CLYBL: variants seen among roughly 807,000 people sequenced by gnomAD.
CLYBL encodes citramalyl-CoA lyase, mitochondrial.
A neutral mutation model predicts 38.9 loss-of-function variants in CLYBL; 31 were observed. The observed-to-expected ratio is 0.80, with a 90% confidence interval of 0.60 to 1.08. The LOEUF is 1.08. CLYBL is among the 50% of genes least tolerant of loss of function. CLYBL has a pLI of 0.00. For synonymous variants in CLYBL, 171 were observed against 158.6 expected (o/e 1.08, Z -0.59); for missense variants, 434 against 411.6 (o/e 1.05, Z -0.47).
intron 2 of CLYBL, among the ~76,000 whole-genome samples, chr13:99,800,464 G>T (rs1453523430): frequency 1.3e-5 from 2 of 152,176 alleles, no homozygotes; most frequent in Non-Finnish European, 2.9e-5. Context: ...GATCTGAGAG[G>T]TGGAGAGAAA....
chr13:99,675,566 AC>A (rs1038342351), intron 1 of CLYBL, among the ~76,000 whole-genome samples: 6 of 152,210 alleles, frequency 3.9e-5, no homozygotes, highest in Admixed American at 2.6e-4. Context: ...CCACTAGTCT[AC>A]TTTCTGTCTT....
chr13:99,749,722 T>C (rs918256214), intron 1 of CLYBL, among the ~76,000 whole-genome samples: 4 of 152,228 alleles, frequency 2.6e-5, no homozygotes, highest in African/African-American at 9.6e-5. Context: ...CACGCTTATT[T>C]ATATTGGCAC....
At chr13:99,783,161 G>A (rs1022491871) in intron 2 of CLYBL, among the ~76,000 whole-genome samples, 5 of 151,686 alleles carry the variant, frequency 3.3e-5, no homozygotes, top group Admixed American at 6.6e-5. Flanking sequence ...TCCTGCCTAG[G>A]CCTCCCAAGT....
chr13:99,811,252 C>A (rs2050335587), intron 2 of CLYBL, among the ~76,000 whole-genome samples: 4 of 152,184 alleles, frequency 2.6e-5, no homozygotes, highest in African/African-American at 9.7e-5. Context: ...GGGTCAAGTG[C>A]CCATTATCCA....
chr13:99,620,287 T>G (rs915129881), intron 1 of CLYBL, among the ~76,000 whole-genome samples: 1 of 152,210 alleles, frequency 6.6e-6, no homozygotes, highest in Admixed American at 6.5e-5. Context: ...TTCAGTTTTT[T>G]TCTGCTCCAT....
At chr13:99,616,143 CTTTTTTT>C (rs34142988) in intron 1 of CLYBL, among the ~76,000 whole-genome samples, 4 of 83,842 alleles carry the variant, frequency 4.8e-5, no homozygotes, top group Non-Finnish European at 8.5e-5. Flanking sequence ...CCACGCCTGG[CTTTTTTT>C]TTTTTTTTTT....
chr13:99,806,238 T>C (rs2050230309), intron 2 of CLYBL, among the ~76,000 whole-genome samples: 1 of 152,228 alleles, frequency 6.6e-6, no homozygotes, highest in African/African-American at 2.4e-5. Flanking sequence ...AAGTGATTTT[T>C]TGAAGATTGA....
chr13:99,902,926 A>T (rs2052657505), intron 8 of CLYBL, among the ~76,000 whole-genome samples: 1 of 152,264 alleles, frequency 6.6e-6, no homozygotes, highest in African/African-American at 2.4e-5. Flanking sequence ...ACTTTCAAAT[A>T]AATATCTTTT....
At chr13:99,637,066 G>GA (rs763912680) in intron 1 of CLYBL, among the ~76,000 whole-genome samples, 5 of 152,150 alleles carry the variant, frequency 3.3e-5, no homozygotes, top group African/African-American at 4.8e-5. Context: ...TTTTAGTAGA[G>GA]ACGGGATTTC....
At chr13:99,616,989 A>G (rs894267730) in intron 1 of CLYBL, among the ~76,000 whole-genome samples, 1 of 151,940 alleles carries the variant, frequency 6.6e-6, no homozygotes. Context: ...TAATAATATA[A>G]TAAAGGAATG....
At chr13:99,717,814 C>T (rs947657978) in intron 1 of CLYBL, among the ~76,000 whole-genome samples, 3 of 151,976 alleles carry the variant, frequency 2.0e-5, no homozygotes, top group Admixed American at 2.0e-4. Context: ...TAGAAATTAT[C>T]TGTACAACTT....
At chr13:99,906,374 G>C (rs1367688672) in intron 9 of CLYBL, among the ~76,000 whole-genome samples, 2 of 151,862 alleles carry the variant, frequency 1.3e-5, no homozygotes, top group Non-Finnish European at 2.9e-5. Context: ...AGGAAAATAA[G>C]TGTGAGTGAA....
At chr13:99,863,679 G>A (rs926095298) in intron 4 of CLYBL, among the ~76,000 whole-genome samples, 1 of 152,114 alleles carries the variant, frequency 6.6e-6, no homozygotes, top group African/African-American at 2.4e-5. Flanking sequence ...CTAAACTACC[G>A]GTCTTAACAA....
chr13:99,873,413 G>C (rs1250105240), intron 7 of CLYBL, among the ~76,000 whole-genome samples: 1 of 152,122 alleles, frequency 6.6e-6, no homozygotes, highest in African/African-American at 2.4e-5. Context: ...TGATGAACAC[G>C]TGAACCCTCA....
At chr13:99,843,281 G>A (rs1201961580) in intron 2 of CLYBL, among the ~76,000 whole-genome samples, 1 of 152,186 alleles carries the variant, frequency 6.6e-6, no homozygotes, top group Non-Finnish European at 1.5e-5. Flanking sequence ...GATATTTGTT[G>A]CAGCTAGGTT....
intron 1 of CLYBL, among the ~76,000 whole-genome samples, chr13:99,686,007 T>G (rs2047812264): frequency 6.6e-6 from 1 of 152,080 alleles, no homozygotes; most frequent in Non-Finnish European, 1.5e-5. Flanking sequence ...CCTGCGTCCC[T>G]GTGATAAGAG....
At chr13:99,889,458 A>G (rs2052433286) in intron 7 of CLYBL, among the ~76,000 whole-genome samples, 1 of 152,200 alleles carries the variant, frequency 6.6e-6, no homozygotes. Context: ...AAATTAGGAA[A>G]ATTCCTCCTG....
At chr13:99,850,198 A>G (rs2051299302) in intron 2 of CLYBL, among the ~76,000 whole-genome samples, 1 of 152,230 alleles carries the variant, frequency 6.6e-6, no homozygotes, top group Non-Finnish European at 1.5e-5. Context: ...CATCAAGAAA[A>G]TGAAAAGATA....
intron 2 of CLYBL, among the ~76,000 whole-genome samples, chr13:99,850,412 C>T (rs1217591841): frequency 6.6e-6 from 1 of 152,172 alleles, no homozygotes; most frequent in African/African-American, 2.4e-5. Context: ...CAGAGATGCT[C>T]AGCATCATTA....
Sources: gnomAD v4.1 joint callset for allele counts (sites outside exome capture counted in the v4.1 genomes callset) on GRCh38, gnomAD v4.1.1 for gene constraint, MANE v1.5 for transcripts, NCBI Gene and HGNC (gene_info 2026-07-23, HGNC 2026-07-21) for gene names.